The following IGF2R variants were observed in gnomAD, a reference collection of about 807,000 sequenced individuals.
The protein encoded by IGF2R is insulin like growth factor 2 receptor.
IGF2R carries 91 observed loss-of-function variants against 270.6 expected under a neutral mutation model. The ratio of observed to expected loss-of-function variants is 0.34; its 90% CI spans 0.28 to 0.40. The LOEUF (loss-of-function observed/expected upper bound fraction) is 0.40. IGF2R is among the 10% of genes least tolerant of loss of function. The pLI is 1.00. For synonymous variants in IGF2R, 1,316 were observed against 1,258.9 expected (o/e 1.05, Z -0.96); for missense variants, 2,805 against 3,188.3 (o/e 0.88, Z 2.90).
intron 1 of IGF2R, among the ~76,000 whole-genome samples, chr6:159,978,155 G>A (rs1783722751): frequency 1.3e-5 from 2 of 152,244 alleles, no homozygotes; most frequent in East Asian, 3.9e-4. Flanking sequence ...TTTCATGATT[G>A]GCACTCCACG....
chr6:159,969,129 C>A lies in IGF2R; in HGVS notation c.-118C>A. 1.9e-6 allele frequency: 1 copy of A among 539,256 alleles called. No homozygotes were observed. The highest frequency in any genetic ancestry group is 2.4e-6 in the Non-Finnish European group (1 of 423,306). The allele number at this position is 539,256 out of a possible 1,614,324, so 33.4% of individuals were successfully genotyped here. On this transcript the variant is annotated 5_prime_UTR_variant, in exon 1 of 48. Coordinates refer to ENST00000356956, the MANE Select transcript of IGF2R (RefSeq NM_000876.4). ...CCAGTCGAGCCGCGCTCACCTCGGG[C>A]TCCCGCTCCGTCTCCACCTCCGCCT...
In IGF2R at chr6:160,084,227, A is replaced by G. The variant is rs765939240; in HGVS notation, c.6068+43A>G. 3.3e-6 allele frequency: 4 copies of G among 1,205,516 alleles called. No homozygotes were observed. The highest frequency in any genetic ancestry group is 4.9e-6 in the Non-Finnish European group (4 of 811,518). 74.7% of individuals were successfully genotyped at this position (1,205,516 alleles called of 1,614,324 possible). ...CCACCCGCGGCGCCACACCCTCAGC[A>G]TGTGAACTTCAGACTGCTTGACGAT... On this transcript the variant is annotated intron_variant, in intron 40 of 47. Coordinates refer to ENST00000356956, the MANE Select transcript of IGF2R (RefSeq NM_000876.4). This position sits in a 1 kb window ranked among gnomAD's most constrained non-coding sequence, Gnocchi z 4.6.
intron 1 of IGF2R, among the ~76,000 whole-genome samples, chr6:159,983,675 TGATGGTTTGATTGTA>T (rs985593762): frequency 7.2e-5 from 11 of 152,356 alleles, no homozygotes; most frequent in African/African-American, 2.6e-4. Context: ...CTGCTGGGCC[TGATGGTTTGATTGTA>T]GAATGTTTCT....
intron 18 of IGF2R, among the ~76,000 whole-genome samples, chr6:160,049,414 T>C (rs951474656): frequency 9.2e-5 from 14 of 152,238 alleles, no homozygotes; most frequent in African/African-American, 3.1e-4. Context: ...CTGGTTGAAG[T>C]TGAACAGGGG....
chr6:159,982,483 C>G (rs1254805574), intron 1 of IGF2R, among the ~76,000 whole-genome samples: 2 of 152,190 alleles, frequency 1.3e-5, no homozygotes, highest in African/African-American at 2.4e-5. Flanking sequence ...GCTGTAGACT[C>G]AGAGAAACAT....
At position 160,046,594 on chromosome 6, in the gene IGF2R, T is replaced by G; in HGVS notation, c.2000T>G (p.Val667Gly). 1.9e-6 allele frequency: 3 copies of G among 1,613,984 alleles called. No individual in the cohort carries two copies. The highest frequency in any genetic ancestry group is 2.5e-6 in the Non-Finnish European group (3 of 1,179,998). ...YDFYINVCGP[V>G]SVSPCQPDSG... The stretch of plus-strand genomic sequence containing the variant: ...TTTTATATAAATGTGTGTGGCCCGG[T>G]GTCTGTGAGCCCCTGTCAGCCAGAC... The change falls in exon 15 of 48, where the codon GTG becomes GGG. Residue 667 changes from valine (V) to glycine (G), a missense_variant. Val to Gly is a moderately radical substitution (Grantham distance 109). Transcript: ENST00000356956.
intron 4 of IGF2R, among the ~76,000 whole-genome samples, chr6:160,020,193 A>G (rs895232169): frequency 2.6e-5 from 4 of 152,046 alleles, no homozygotes; most frequent in African/African-American, 7.2e-5. Context: ...CAAGAAGTCA[A>G]TCCCATTTAT....
Position 159,993,595 on chromosome 6 carries a change from C to T in IGF2R, c.289+2272C>T, listed in dbSNP as rs568622415. Reference sequence around the variant, plus strand: ...TTGATCTGTGTGCCTATTTTTATATCAGTACCATGCTGTTTGATTACTATA... The same window carrying T: ...TTGATCTGTGTGCCTATTTTTATATTAGTACCATGCTGTTTGATTACTATA... On this transcript the variant is annotated intron_variant, in intron 2 of 47. Transcript: ENST00000356956. Among the ~76,000 whole-genome samples, 69 of 152,276 alleles carry T rather than the reference C, an allele frequency of 4.5e-4. 1 individual carries two copies. Among genetic ancestry groups the T allele is most frequent in the Middle Eastern group, 6.8e-3 (2 of 294 alleles).
intron 28 of IGF2R, 75 bp downstream of exon 28, chr6:160,064,606 C>A: frequency 1.3e-6 from 2 of 1,516,136 alleles, no homozygotes; most frequent in East Asian, 2.3e-5. Flanking sequence ...TAGAAAGAAT[C>A]TGTCCTCAGA....
At chr6:160,021,229 A>C (rs914596537) in intron 4 of IGF2R, among the ~76,000 whole-genome samples, 3 of 152,088 alleles carry the variant, frequency 2.0e-5, no homozygotes, top group Middle Eastern at 6.8e-3. Flanking sequence ...GAAATATACA[A>C]ATTATTATAA....
intron 30 of IGF2R, 88 bp from the exon 31 acceptor site, chr6:160,069,777 TGCA>T: frequency 8.7e-7 from 1 of 1,151,988 alleles, no homozygotes; most frequent in Non-Finnish European, 1.3e-6. Flanking sequence ...TATGAAGTTC[TGCA>T]GCGTGTGTGA....
At chr6:160,022,046 A>G (rs1777450661) in intron 4 of IGF2R, among the ~76,000 whole-genome samples, 1 of 152,072 alleles carries the variant, frequency 6.6e-6, no homozygotes, top group Non-Finnish European at 1.5e-5. Flanking sequence ...ACACACGTCT[A>G]TCATGGAATA....
At chr6:159,975,323 T>C (rs9456486) in intron 1 of IGF2R, among the ~76,000 whole-genome samples, 37,598 of 152,060 alleles carry the variant, frequency 0.25, 5,039 homozygotes, top group East Asian at 0.49. Context: ...GGGCGAGGTA[T>C]TGGGGAAGGG....
In IGF2R at chr6:160,105,204, AAG is replaced by A. The variant is rs1779588068; in HGVS notation, c.*123_*124del. 1 of 881,524 alleles carries A rather than the reference AAG, an allele frequency of 1.1e-6. No homozygotes were observed. The highest frequency in any genetic ancestry group is 2.7e-5 in the East Asian group (1 of 37,204). 54.6% of individuals were successfully genotyped at this position (881,524 alleles called of 1,614,324 possible). On this transcript the variant is annotated 3_prime_UTR_variant, in exon 48 of 48. Coordinates refer to ENST00000356956, the MANE Select transcript of IGF2R (RefSeq NM_000876.4). Reference sequence around the variant, plus strand: ...CCTTTAACAGAAACTTTCAAAAGGGAAGAGTTTTTGTGATGGGGGAGAGGGTG... The same window carrying A: ...CCTTTAACAGAAACTTTCAAAAGGGAAGTTTTTGTGATGGGGGAGAGGGTG...
chr6:160,078,514 C>G, intron 37 of IGF2R, 152 bp downstream of exon 37: 1 of 717,718 alleles, frequency 1.4e-6, no homozygotes, highest in Non-Finnish European at 2.3e-6. Flanking sequence ...GTAGGGCATG[C>G]CAGGTCTCAG....
At chr6:160,072,245 C>T (rs1456706270) in intron 32 of IGF2R, among the ~76,000 whole-genome samples, 4 of 152,104 alleles carry the variant, frequency 2.6e-5, no homozygotes, top group South Asian at 2.1e-4. Flanking sequence ...AGAGAATGCT[C>T]CCACAGAGAA....
At chr6:160,027,498 A>G (rs1235187418) in intron 6 of IGF2R, among the ~76,000 whole-genome samples, 184 bp downstream of exon 6, 1 of 152,220 alleles carries the variant, frequency 6.6e-6, no homozygotes, top group East Asian at 1.9e-4. Flanking sequence ...GTGCTTGTCT[A>G]CTTTTTAATC....
chr6:160,016,619 G>T (rs1341782214), intron 4 of IGF2R, among the ~76,000 whole-genome samples: 2 of 152,224 alleles, frequency 1.3e-5, no homozygotes, highest in Non-Finnish European at 2.9e-5. Flanking sequence ...CAGTGCTACG[G>T]CAGGAGACAA....
At chr6:159,976,979 A>G (rs1326670389) in intron 1 of IGF2R, among the ~76,000 whole-genome samples, 1 of 152,104 alleles carries the variant, frequency 6.6e-6, no homozygotes, top group Non-Finnish European at 1.5e-5. Flanking sequence ...TATTATTTGT[A>G]TCTGGCTGCC....
Sources: gnomAD v4.1 joint callset for allele counts (sites outside exome capture counted in the v4.1 genomes callset) on GRCh38, gnomAD v4.1.1 for gene constraint, Gnocchi (gnomAD v3.1) non-coding constraint, MANE v1.5 for transcripts, NCBI Gene and HGNC (gene_info 2026-07-23, HGNC 2026-07-21) for gene names.